The following UST variants were observed in gnomAD, a reference collection of about 807,000 sequenced individuals.
UST encodes uronyl 2-sulfotransferase.
UST carries 21 observed loss-of-function variants against 45.6 expected under a neutral mutation model. That is an observed-to-expected ratio of 0.46 (90% CI 0.33 to 0.66). The LOEUF (loss-of-function observed/expected upper bound fraction) is 0.66, where lower values mean the gene tolerates loss of function less well. Ranked by LOEUF, UST falls within the 30% of genes least tolerant of loss-of-function variation. The pLI is 0.02. For synonymous variants in UST, 215 were observed against 200.6 expected (o/e 1.07, Z -0.61); for missense variants, 463 against 512.4 (o/e 0.90, Z 0.93).
chr6:148,785,070 G>A (rs372452772), intron 1 of UST, among the ~76,000 whole-genome samples: 13 of 152,218 alleles, frequency 8.5e-5, no homozygotes, highest in African/African-American at 2.4e-4. Flanking sequence ...GCTTGGCGGC[G>A]TGTGCCTGTA....
chr6:148,794,763 T>G (rs75543732), intron 1 of UST, among the ~76,000 whole-genome samples: 1,682 of 152,316 alleles, frequency 0.011, 44 homozygotes, highest in African/African-American at 0.038. Flanking sequence ...AAAAGCTTTG[T>G]GTGGAAGGTC....
intron 2 of UST, among the ~76,000 whole-genome samples, chr6:148,914,177 T>C (rs9404003): frequency 0.4 from 60,842 of 152,066 alleles, 12,704 homozygotes; most frequent in South Asian, 0.58. Context: ...TCCATTGTAC[T>C]GCATTAGGAG....
chr6:148,968,869 G>T (rs1268726784), intron 5 of UST, among the ~76,000 whole-genome samples: 1 of 152,218 alleles, frequency 6.6e-6, no homozygotes, highest in Non-Finnish European at 1.5e-5. Context: ...GGAAGAAAAG[G>T]GAGAAAATCT....
chr6:148,859,512 T>C (rs1483402180), intron 1 of UST, among the ~76,000 whole-genome samples: 1 of 152,218 alleles, frequency 6.6e-6, no homozygotes, highest in East Asian at 1.9e-4. Flanking sequence ...ATCCCATTTG[T>C]CAATTTTGGC....
At chr6:148,871,087 A>C (rs1264529844) in intron 1 of UST, among the ~76,000 whole-genome samples, 2 of 144,782 alleles carry the variant, frequency 1.4e-5, no homozygotes, top group East Asian at 4.1e-4. Flanking sequence ...GGGCCTTATA[A>C]GGACGAAGGA....
At chr6:148,936,811 T>C (rs957929158) in intron 2 of UST, among the ~76,000 whole-genome samples, 2 of 152,160 alleles carry the variant, frequency 1.3e-5, no homozygotes, top group African/African-American at 4.8e-5. Flanking sequence ...TTCTCCTGCC[T>C]CAGCCTCCTG....
At chr6:149,068,689 CAG>C (rs1288003998) in intron 7 of UST, among the ~76,000 whole-genome samples, 1 of 152,144 alleles carries the variant, frequency 6.6e-6, no homozygotes, top group Non-Finnish European at 1.5e-5. Flanking sequence ...ATGATCAAAT[CAG>C]GGTGTTTAGG....
chr6:148,795,548 A>G (rs1056103499), intron 1 of UST, among the ~76,000 whole-genome samples: 1 of 151,986 alleles, frequency 6.6e-6, no homozygotes, highest in African/African-American at 2.4e-5. Context: ...TTTCTCTACT[A>G]TATATGAAAA....
intron 1 of UST, among the ~76,000 whole-genome samples, chr6:148,828,715 TTTATTA>T (rs1239880004): frequency 6.6e-6 from 1 of 152,156 alleles, no homozygotes. Context: ...ATGATGATTG[TTTATTA>T]TTATTATTAA....
intron 1 of UST, among the ~76,000 whole-genome samples, chr6:148,835,140 T>TA (rs1428175114): frequency 6.6e-6 from 1 of 151,856 alleles, no homozygotes; most frequent in Admixed American, 6.6e-5. Flanking sequence ...AAAAACACAA[T>TA]AAAAAATAAT....
chr6:149,021,270 G>T, intron 6 of UST, 54 bp from the exon 7 acceptor site: 1 of 1,532,698 alleles, frequency 6.5e-7, no homozygotes, highest in African/African-American at 1.4e-5. Flanking sequence ...TCAGCATCTT[G>T]CTGCATTTCA....
intron 1 of UST, among the ~76,000 whole-genome samples, chr6:148,769,680 T>G (rs1245585860): frequency 6.6e-6 from 1 of 152,174 alleles, no homozygotes; most frequent in East Asian, 1.9e-4. Flanking sequence ...TGTCTTCAGT[T>G]TAGTCAGTCA....
chr6:149,056,957 G>T (rs1418404613), intron 7 of UST, among the ~76,000 whole-genome samples: 2 of 152,148 alleles, frequency 1.3e-5, no homozygotes, highest in African/African-American at 2.4e-5. Flanking sequence ...CCCTTCAAGG[G>T]TTTATCAAAA....
chr6:148,984,205 A>G (rs1458313940), intron 5 of UST, among the ~76,000 whole-genome samples: 3 of 152,220 alleles, frequency 2.0e-5, no homozygotes, highest in Admixed American at 1.3e-4. Flanking sequence ...GCCCTTTAGC[A>G]GATGTTGAGA....
chr6:148,794,832 T>G (rs1376965968), intron 1 of UST, among the ~76,000 whole-genome samples: 1 of 152,222 alleles, frequency 6.6e-6, no homozygotes, highest in Non-Finnish European at 1.5e-5. Context: ...GTTGGGGAAC[T>G]TATTCCTTCT....
chr6:148,885,303 G>A (rs1344797288), intron 1 of UST, among the ~76,000 whole-genome samples: 1 of 152,168 alleles, frequency 6.6e-6, no homozygotes, highest in Admixed American at 6.5e-5. Flanking sequence ...ATGCTGAGCA[G>A]ATGGGAGCTC....
chr6:148,870,822 C>T (rs1258680566), intron 1 of UST, among the ~76,000 whole-genome samples: 2 of 152,192 alleles, frequency 1.3e-5, no homozygotes, highest in African/African-American at 4.8e-5. Context: ...GTTCTCCCTT[C>T]TCACATACAT....
chr6:148,881,892 G>A (rs756703769), intron 1 of UST, among the ~76,000 whole-genome samples: 5 of 152,166 alleles, frequency 3.3e-5, no homozygotes, highest in African/African-American at 7.2e-5. Context: ...TGATGAAAGC[G>A]TAAAATCCTA....
chr6:148,858,925 T>A (rs1345001298), intron 1 of UST, among the ~76,000 whole-genome samples: 1 of 152,176 alleles, frequency 6.6e-6, no homozygotes, highest in African/African-American at 2.4e-5. Context: ...TGGTTCCAAG[T>A]CTTTGCTGTT....
Sources: allele counts gnomAD v4.1 joint callset (sites outside exome capture counted in the v4.1 genomes callset), GRCh38; gene constraint gnomAD v4.1.1; transcripts MANE v1.5; gene names NCBI Gene and HGNC (gene_info 2026-07-23, HGNC 2026-07-21).